The following SLC14A2 variants were observed in gnomAD, a reference collection of about 807,000 sequenced individuals.
SLC14A2 encodes the protein urea transporter 2.
Under a neutral mutation model 104.6 loss-of-function variants are expected in SLC14A2, and 91 were observed. The observed-to-expected ratio is 0.87, with a 90% CI of 0.73 to 1.04. The LOEUF is 1.04. Among genes scored for constraint, SLC14A2 ranks in the 50% least tolerant of loss-of-function variants. The pLI is 0.00. For synonymous variants in SLC14A2, 476 were observed against 466.4 expected, an observed-to-expected ratio of 1.02 and a Z score of -0.27; for missense variants, 1,189 against 1,156.0, an observed-to-expected ratio of 1.03 and a Z score of -0.41.
intron 1 of SLC14A2, among the ~76,000 whole-genome samples, chr18:45,454,894 T>C (rs567434440): frequency 1.3e-5 from 2 of 152,338 alleles, no homozygotes; most frequent in African/African-American, 4.8e-5. Context: ...CCATGCTGTT[T>C]TGGTTACTGT....
the SLC14A2 span, among the ~76,000 whole-genome samples, chr18:45,186,517 C>T: frequency 7.2e-5 from 11 of 152,204 alleles, no homozygotes; most frequent in Non-Finnish European, 1.3e-4. Context: ...ACTCTAGAGA[C>T]TTCCAGTTTT....
At chr18:45,178,434 A>T in the SLC14A2 span, among the ~76,000 whole-genome samples, 9 of 152,300 alleles carry the variant, frequency 5.9e-5, no homozygotes, top group East Asian at 1.7e-3. Flanking sequence ...CGTTATTGGC[A>T]TTAAAGAACA....
At chr18:45,243,003 G>A (rs1228932630) in intron 1 of SLC14A2, among the ~76,000 whole-genome samples, 2 of 152,154 alleles carry the variant, frequency 1.3e-5, no homozygotes, top group Non-Finnish European at 2.9e-5. Flanking sequence ...AAACCTTTTT[G>A]TACTGAGCTC....
chr18:45,597,626 C>A (rs1349722594), intron 2 of SLC14A2, among the ~76,000 whole-genome samples: 1 of 152,110 alleles, frequency 6.6e-6, no homozygotes, highest in African/African-American at 2.4e-5. Flanking sequence ...CATGGAAGGA[C>A]TTTGGCTTGT....
chr18:45,529,152 A>G (rs150087712), intron 2 of SLC14A2: 18 of 152,368 alleles, frequency 1.2e-4, no homozygotes, highest in African/African-American at 4.3e-4. Flanking sequence ...AATCATGAGA[A>G]AAACGTAGTT....
chr18:45,674,263 G>A (rs374718006), intron 18 of SLC14A2, among the ~76,000 whole-genome samples: 1 of 152,108 alleles, frequency 6.6e-6, no homozygotes, highest in African/African-American at 2.4e-5. Flanking sequence ...GATGTTATAT[G>A]ACTGGAAACC....
chr18:45,633,647 C>T (rs1368581539), intron 5 of SLC14A2, among the ~76,000 whole-genome samples: 1 of 152,170 alleles, frequency 6.6e-6, no homozygotes, highest in African/African-American at 2.4e-5. Flanking sequence ...TTCTCAACTT[C>T]CCTCAAACAG....
chr18:45,326,441 G>A (rs2085235275), intron 1 of SLC14A2, among the ~76,000 whole-genome samples: 1 of 152,096 alleles, frequency 6.6e-6, no homozygotes, highest in South Asian at 2.1e-4. Flanking sequence ...GTATAGGAAA[G>A]CTACTGATGA....
chr18:45,359,317 C>A (rs570441606), intron 1 of SLC14A2, among the ~76,000 whole-genome samples: 2 of 152,136 alleles, frequency 1.3e-5, no homozygotes, highest in South Asian at 2.1e-4. Context: ...GGAAGCAGGC[C>A]CCCCCGTCTA....
intron 2 of SLC14A2, among the ~76,000 whole-genome samples, chr18:45,495,782 G>A (rs1179130472): frequency 6.6e-6 from 1 of 152,166 alleles, no homozygotes; most frequent in Non-Finnish European, 1.5e-5. Context: ...ATTTGGGGCT[G>A]AACTGGTAAA....
At chr18:45,655,906 G>A (rs574854999) in intron 10 of SLC14A2, among the ~76,000 whole-genome samples, 1 of 152,262 alleles carries the variant, frequency 6.6e-6, no homozygotes, top group South Asian at 2.1e-4. Context: ...ACCTACCATT[G>A]CAGGAGTAAA....
Position 45,668,380 on chromosome 18 carries a change from A to G in SLC14A2, c.1939A>G (p.Asn647Asp). Residue 647 changes from asparagine to aspartate, a missense_variant, in exon 15 of 20, where the codon AAT becomes GAT. Coordinates refer to ENST00000255226, the MANE Select transcript of SLC14A2 (RefSeq NM_007163.4). ...SAIAAGFHGY[N>D]GVLVGLLMAV... The stretch of plus-strand genomic sequence containing the variant: ...CATCGCTGCAGGATTTCACGGCTAC[A>G]ATGGGGTGCTGGTGGGGCTGCTGAT... 6.2e-7 allele frequency: 1 copy of G among 1,614,084 alleles called. No individual in the cohort carries two copies. Among genetic ancestry groups the G allele is most frequent in the Non-Finnish European group, 8.5e-7 (1 of 1,179,982 alleles).
intron 1 of SLC14A2, among the ~76,000 whole-genome samples, chr18:45,287,481 A>G (rs2084826256): frequency 6.6e-6 from 1 of 152,170 alleles, no homozygotes; most frequent in Admixed American, 6.5e-5. Flanking sequence ...AAGCGGGTGA[A>G]TTGTGAGACT....
rs574018689 is a variant in SLC14A2, at chr18:45,287,688, G to A, written c.-125+74497G>A. On this transcript the variant is annotated intron_variant, in intron 1 of 20. Coordinates refer to the SLC14A2 transcript ENST00000586448. Reference sequence around the variant, plus strand: ...CTCCTGCCTGCCTACCTTGCTGGCTGTTGTGAACTTCCACCTTCTCTGGCT... The same window carrying A: ...CTCCTGCCTGCCTACCTTGCTGGCTATTGTGAACTTCCACCTTCTCTGGCT... 1.1e-4 allele frequency among the ~76,000 whole-genome samples: 17 copies of A among 152,326 alleles called. No homozygotes were observed. In the East Asian group the frequency reaches 2.7e-3, roughly 24 times the overall value.
At chr18:45,580,239 C>T (rs1416970836) in intron 2 of SLC14A2, among the ~76,000 whole-genome samples, 1 of 152,160 alleles carries the variant, frequency 6.6e-6, no homozygotes, top group African/African-American at 2.4e-5. Flanking sequence ...CACTTATCTA[C>T]ATTTTGCATT....
At chr18:45,514,600 C>T (rs1288909695) in intron 2 of SLC14A2, among the ~76,000 whole-genome samples, 2 of 152,184 alleles carry the variant, frequency 1.3e-5, no homozygotes, top group East Asian at 1.9e-4. Flanking sequence ...TGGATGCCTA[C>T]ATTAGGTGAG....
chr18:45,171,327 A>AG, the SLC14A2 span, among the ~76,000 whole-genome samples: 5 of 152,060 alleles, frequency 3.3e-5, no homozygotes, highest in Non-Finnish European at 7.4e-5. Context: ...AAAAACCTTT[A>AG]GAAAAAAAAA....
chr18:45,558,359 A>T (rs956099545), intron 2 of SLC14A2, among the ~76,000 whole-genome samples: 1 of 152,232 alleles, frequency 6.6e-6, no homozygotes, highest in Admixed American at 6.5e-5. Flanking sequence ...AGTCTGGCTC[A>T]TCACACTCAC....
At chr18:45,175,719 C>T in the SLC14A2 span, among the ~76,000 whole-genome samples, 2 of 152,232 alleles carry the variant, frequency 1.3e-5, no homozygotes, top group South Asian at 4.1e-4. Flanking sequence ...TTCTGTGGTG[C>T]TGACTTATTA....
Sources: allele counts gnomAD v4.1 joint callset (sites outside exome capture counted in the v4.1 genomes callset), GRCh38; gene constraint gnomAD v4.1.1; transcripts MANE v1.5; gene names NCBI Gene and HGNC (gene_info 2026-07-23, HGNC 2026-07-21).